The following LARGE1 variants were observed in gnomAD, a reference collection of about 807,000 sequenced individuals.
LARGE1 encodes the protein xylosyl- and glucuronyltransferase LARGE1.
A neutral mutation model predicts 87.6 loss-of-function variants in LARGE1; 43 were observed. That is an observed-to-expected ratio of 0.49 (90% CI 0.38 to 0.63). The LOEUF is 0.63. Among genes scored for constraint, LARGE1 ranks in the 30% least tolerant of loss-of-function variants. The pLI, the probability that LARGE1 is intolerant of heterozygous loss-of-function variation, is 0.00. For missense variants in LARGE1, 802 were observed against 1,000.2 expected (o/e 0.80, Z 2.67); for synonymous variants, 434 against 394.6 (o/e 1.10, Z -1.18).
At chr22:33,259,167 T>C (rs562861915) in intron 11 of LARGE1, among the ~76,000 whole-genome samples, 48 of 152,306 alleles carry the variant, frequency 3.2e-4, no homozygotes, top group South Asian at 1.0e-3. Flanking sequence ...CATGAGCCAC[T>C]ACACCCGGCC....
intron 2 of LARGE1, among the ~76,000 whole-genome samples, chr22:33,750,052 A>C (rs1234709680): frequency 6.6e-6 from 1 of 152,204 alleles, no homozygotes; most frequent in Admixed American, 6.5e-5. Context: ...TAATATGTGT[A>C]AAATTCCTAG....
the LARGE1 span, among the ~76,000 whole-genome samples, chr22:33,084,265 C>A: frequency 1.2e-3 from 180 of 152,272 alleles, 1 homozygote; most frequent in Non-Finnish European, 1.9e-3. Flanking sequence ...CCCTTGACTT[C>A]CATAATGTTT....
At chr22:33,791,342 C>A (rs114066732) in intron 1 of LARGE1, among the ~76,000 whole-genome samples, 3 of 152,046 alleles carry the variant, frequency 2.0e-5, no homozygotes, top group Non-Finnish European at 4.4e-5. Context: ...CCTTTGGGGC[C>A]GTATACCCTA....
Position 33,495,446 on chromosome 22 carries a change from C to T in LARGE1, c.788-63181G>A, listed in dbSNP as rs183688659. Among the ~76,000 whole-genome samples the T allele has an allele frequency of 8.7e-4, 132 of 152,280 alleles. 2 individuals carry two copies. The South Asian group carries it at 0.013, about 15-fold the overall frequency. ...AGAGCAAAACTAAAGTTTGGCTGGG[C>T]GTGGTGGCTCACACCTGTAATCCCA... On this transcript the variant is annotated intron_variant, in intron 6 of 14. Coordinates refer to ENST00000397394, the MANE Select transcript of LARGE1 (RefSeq NM_133642.5).
At chr22:33,117,585 A>AT in the LARGE1 span, among the ~76,000 whole-genome samples, 1 of 152,192 alleles carries the variant, frequency 6.6e-6, no homozygotes, top group Non-Finnish European at 1.5e-5. Context: ...AATCGAAGTC[A>AT]TAAGCTATAA....
chr22:33,150,872 C>T, the LARGE1 span, among the ~76,000 whole-genome samples: 3 of 152,116 alleles, frequency 2.0e-5, no homozygotes, highest in Non-Finnish European at 4.4e-5. Context: ...GTTTATAAAT[C>T]CTGTAGTGTG....
At position 33,601,152 on chromosome 22, in the gene LARGE1, G is replaced by A. The variant is rs570648929; in HGVS notation, c.615+3283C>T. ...AAAAGGTTTTACCCAGAGGAAAAGA[G>A]TGGCATGACTGCGCTTGTTTTTGGA... On this transcript the variant is annotated intron_variant, in intron 5 of 14. Coordinates refer to ENST00000397394, the MANE Select transcript of LARGE1 (RefSeq NM_133642.5). Among the ~76,000 whole-genome samples the A allele has an allele frequency of 4.9e-4, 74 of 152,330 alleles. 1 individual carries two copies. The South Asian group carries it at 0.015, about 32-fold the overall frequency.
At chr22:33,902,900 G>A (rs1047249521) in intron 1 of LARGE1, among the ~76,000 whole-genome samples, 1 of 152,216 alleles carries the variant, frequency 6.6e-6, no homozygotes, top group Admixed American at 6.5e-5. Flanking sequence ...GGAAGGCCAA[G>A]GCTGGTGGAT....
the LARGE1 span, among the ~76,000 whole-genome samples, chr22:33,095,549 T>C: frequency 2.9e-3 from 436 of 152,294 alleles, 2 homozygotes; most frequent in Non-Finnish European, 1.5e-3. Context: ...ACTTCAAAAA[T>C]ATCTTTTTGG....
intron 6 of LARGE1, among the ~76,000 whole-genome samples, chr22:33,464,938 TAC>T (rs2068543752): frequency 6.6e-6 from 1 of 150,666 alleles, no homozygotes; most frequent in Non-Finnish European, 1.5e-5. Context: ...CACGTACACA[TAC>T]ACACACACAT....
At chr22:33,640,357 G>T (rs2080390848) in intron 3 of LARGE1, among the ~76,000 whole-genome samples, 1 of 152,128 alleles carries the variant, frequency 6.6e-6, no homozygotes, top group Non-Finnish European at 1.5e-5. Context: ...AGGACCAGGG[G>T]TTCCTCATAG....
chr22:33,744,841 G>C (rs1290167623), intron 2 of LARGE1, among the ~76,000 whole-genome samples: 1 of 152,164 alleles, frequency 6.6e-6, no homozygotes, highest in Non-Finnish European at 1.5e-5. Flanking sequence ...TGAGAACGTG[G>C]GCTCCAGGCC....
intron 6 of LARGE1, chr22:33,563,077 T>C (rs994268998): frequency 1.3e-5 from 2 of 152,492 alleles, no homozygotes; most frequent in African/African-American, 2.4e-5. Flanking sequence ...TTCCGTGATG[T>C]GGGGTGTCCC....
chr22:33,820,971 C>A (rs553233171), intron 1 of LARGE1, among the ~76,000 whole-genome samples: 1 of 152,248 alleles, frequency 6.6e-6, no homozygotes, highest in East Asian at 1.9e-4. Flanking sequence ...TACATTTACT[C>A]GTCAGTTTCA....
intron 2 of LARGE1, among the ~76,000 whole-genome samples, chr22:33,729,927 G>T (rs188008902): frequency 5.9e-5 from 9 of 152,294 alleles, no homozygotes; most frequent in East Asian, 3.9e-4. Context: ...TCATTGTTGG[G>T]GTATGGAAAT....
intron 5 of LARGE1, among the ~76,000 whole-genome samples, chr22:33,588,618 T>C (rs543872602): frequency 6.8e-4 from 104 of 152,304 alleles, no homozygotes; most frequent in African/African-American, 2.5e-3. Flanking sequence ...AAAATTAGAA[T>C]ATAAGTAATC....
chr22:33,122,632 T>C, the LARGE1 span, among the ~76,000 whole-genome samples: 1 of 152,158 alleles, frequency 6.6e-6, no homozygotes, highest in Non-Finnish European at 1.5e-5. Flanking sequence ...TTGCTGGGAT[T>C]ACAGGCCTGA....
At chr22:33,393,364 C>T (rs2065600274) in intron 7 of LARGE1, among the ~76,000 whole-genome samples, 1 of 152,208 alleles carries the variant, frequency 6.6e-6, no homozygotes, top group Admixed American at 6.5e-5. Context: ...ATGACAGTTA[C>T]AGAAACTATA....
chr22:33,421,939 T>C (rs1470017126), intron 7 of LARGE1, among the ~76,000 whole-genome samples: 2 of 152,246 alleles, frequency 1.3e-5, no homozygotes, highest in East Asian at 3.8e-4. Context: ...GAATAAGCTT[T>C]GGTTGGGTCA....
Sources: gnomAD v4.1 joint callset for allele counts (sites outside exome capture counted in the v4.1 genomes callset) on GRCh38, gnomAD v4.1.1 for gene constraint, MANE v1.5 for transcripts, NCBI Gene and HGNC (gene_info 2026-07-23, HGNC 2026-07-21) for gene names.